The following SRPK2 variants were observed in gnomAD, a reference collection of about 807,000 sequenced individuals.
SRPK2 encodes SRSF protein kinase 2.
Under a neutral mutation model 90.8 loss-of-function variants are expected in SRPK2, and 21 were observed. The ratio of observed to expected loss-of-function variants is 0.23; its 90% CI spans 0.16 to 0.33. SRPK2 has a LOEUF of 0.33. Among genes scored for constraint, SRPK2 ranks in the 10% least tolerant of loss-of-function variants. SRPK2 has a pLI of 1.00. For synonymous variants in SRPK2, 288 were observed against 311.1 expected (o/e 0.93, Z 0.78); for missense variants, 620 against 869.0 (o/e 0.71, Z 3.60).
At chr7:105,136,074 G>C (rs1244416770) in intron 11 of SRPK2, among the ~76,000 whole-genome samples, 1 of 152,062 alleles carries the variant, frequency 6.6e-6, no homozygotes, top group Admixed American at 6.6e-5. Flanking sequence ...CTAAATTCAG[G>C]GGTGTTTCTT....
At chr7:105,345,680 C>T (rs138149764) in intron 2 of SRPK2, among the ~76,000 whole-genome samples, 2 of 152,326 alleles carry the variant, frequency 1.3e-5, no homozygotes, top group Non-Finnish European at 2.9e-5. Flanking sequence ...TACACATGAA[C>T]ATGTCAATGT....
intron 7 of SRPK2, among the ~76,000 whole-genome samples, chr7:105,149,446 C>T (rs1009616190): frequency 6.6e-6 from 1 of 152,132 alleles, no homozygotes; most frequent in Non-Finnish European, 1.5e-5. Context: ...TGCCCTCCTA[C>T]TACATTCCTT....
rs115948461 is a variant in SRPK2 at position 105,131,753 on chromosome 7, A to C, written c.1752+1038T>G. The stretch of plus-strand genomic sequence containing the variant: ...CAGAAAATTAATATATTTATTCTGC[A>C]TTCCTTTTTTCAGTGAGAAGAAAAA... On this transcript the variant is annotated intron_variant, in intron 13 of 15. Transcript: ENST00000393651. 3.5e-3 allele frequency among the ~76,000 whole-genome samples: 536 copies of C among 152,362 alleles called. 2 individuals are homozygous for C. The highest frequency in any genetic ancestry group is 0.012 in the African/African-American group (511 of 41,586).
chr7:105,181,820 C>T (rs988049943), intron 3 of SRPK2, among the ~76,000 whole-genome samples: 1 of 147,742 alleles, frequency 6.8e-6, no homozygotes, highest in African/African-American at 2.5e-5. Context: ...ATCCCCGTGA[C>T]ACACAGTTTA....
intron 6 of SRPK2, among the ~76,000 whole-genome samples, chr7:105,165,419 CTTTGAAAACTT>C: frequency 6.6e-6 from 1 of 152,292 alleles, no homozygotes; most frequent in East Asian, 1.9e-4. Context: ...CGAGTGGGGA[CTTTGAAAACTT>C]TTCTGTCTAG....
intron 2 of SRPK2, among the ~76,000 whole-genome samples, chr7:105,205,642 A>G (rs961742068): frequency 2.0e-5 from 3 of 151,444 alleles, no homozygotes; most frequent in African/African-American, 7.3e-5. Context: ...AAGCCATGTA[A>G]ATGCTCGCTT....
chr7:105,315,761 ACCC>A (rs1194919477), intron 2 of SRPK2, among the ~76,000 whole-genome samples: 5 of 152,182 alleles, frequency 3.3e-5, no homozygotes, highest in Admixed American at 1.3e-4. Context: ...GTCCAGATAT[ACCC>A]CCAACGAACA....
In SRPK2 at chr7:105,206,200, C is replaced by A. The variant is rs114491860; in HGVS notation, c.72-2415G>T. On this transcript the variant is annotated intron_variant, in intron 2 of 15. Coordinates refer to ENST00000393651, the MANE Select transcript of SRPK2 (RefSeq NM_182692.3). ...CATCAAAAATGCGTGTAGACACTGACAAATGTGTGTGTGCTGGGGGAGGAG... is the reference window on the plus strand; with the variant it reads ...CATCAAAAATGCGTGTAGACACTGAAAAATGTGTGTGTGCTGGGGGAGGAG... Among the ~76,000 whole-genome samples, 1,281 of 152,032 alleles carry A rather than the reference C, an allele frequency of 8.4e-3. 16 individuals are homozygous for A. The highest frequency in any genetic ancestry group is 0.03 in the African/African-American group (1,226 of 41,506).
At chr7:105,345,323 T>A (rs1194285819) in intron 2 of SRPK2, among the ~76,000 whole-genome samples, 5 of 152,180 alleles carry the variant, frequency 3.3e-5, no homozygotes, top group Non-Finnish European at 7.3e-5. Flanking sequence ...GTTCTATTGA[T>A]GTCAAATGTC....
At chr7:105,390,190 T>A (rs1822118142), upstream of SRPK2, among the ~76,000 whole-genome samples, 1 of 152,194 alleles carries the variant, frequency 6.6e-6, no homozygotes, top group African/African-American at 2.4e-5. Flanking sequence ...ATCTCCCACA[T>A]AATCAGAATT....
intron 7 of SRPK2, among the ~76,000 whole-genome samples, chr7:105,156,817 T>C (rs928323418): frequency 1.3e-5 from 2 of 152,200 alleles, no homozygotes; most frequent in African/African-American, 4.8e-5. Context: ...ATCATTATTT[T>C]CCCCACTTTT....
At chr7:105,264,479 A>G (rs1804770007) in intron 2 of SRPK2, among the ~76,000 whole-genome samples, 1 of 152,208 alleles carries the variant, frequency 6.6e-6, no homozygotes, top group African/African-American at 2.4e-5. Context: ...AATATAGGCC[A>G]CAGCATAAAT....
intron 2 of SRPK2, among the ~76,000 whole-genome samples, chr7:105,347,221 G>A (rs189289289): frequency 1.4e-3 from 211 of 151,804 alleles, no homozygotes; most frequent in African/African-American, 3.7e-3. Flanking sequence ...GTGCCACCGC[G>A]CCCGGCTAAT....
intron 7 of SRPK2, among the ~76,000 whole-genome samples, chr7:105,153,892 T>A (rs144140340): frequency 1.0e-3 from 156 of 152,302 alleles, no homozygotes; most frequent in African/African-American, 3.7e-3. Flanking sequence ...TCCGCAAGCC[T>A]AGAAGTTTCC....
intron 2 of SRPK2, among the ~76,000 whole-genome samples, chr7:105,281,025 C>G (rs914268034): frequency 8.2e-5 from 12 of 145,552 alleles, no homozygotes; most frequent in Admixed American, 3.4e-4. Flanking sequence ...CCCTAACTCT[C>G]AACTTACATT....
At chr7:105,267,442 C>T (rs763227794) in intron 2 of SRPK2, among the ~76,000 whole-genome samples, 2 of 152,186 alleles carry the variant, frequency 1.3e-5, no homozygotes, top group African/African-American at 4.8e-5. Flanking sequence ...CCCATCACCA[C>T]CATTTTACTG....
intron 2 of SRPK2, among the ~76,000 whole-genome samples, 199 bp downstream of exon 2, chr7:105,388,449 C>G (rs1289356201): frequency 6.8e-6 from 1 of 147,430 alleles, no homozygotes; most frequent in African/African-American, 2.5e-5. Flanking sequence ...GCTAGGGAAC[C>G]GGCCGCGGCC....
At chr7:105,181,641 C>T (rs1326645753) in intron 3 of SRPK2, among the ~76,000 whole-genome samples, 3 of 152,082 alleles carry the variant, frequency 2.0e-5, no homozygotes, top group African/African-American at 7.2e-5. Context: ...ACCTCATGTT[C>T]CCATGTATAA....
At chr7:105,345,504 G>A (rs1186944433) in intron 2 of SRPK2, among the ~76,000 whole-genome samples, 1 of 151,884 alleles carries the variant, frequency 6.6e-6, no homozygotes, top group Non-Finnish European at 1.5e-5. Flanking sequence ...CAAGCATATC[G>A]CAAGAAACGA....
Sources: allele counts gnomAD v4.1 joint callset (sites outside exome capture counted in the v4.1 genomes callset), GRCh38; gene constraint gnomAD v4.1.1; transcripts MANE v1.5; gene names NCBI Gene and HGNC (gene_info 2026-07-23, HGNC 2026-07-21).